BMPR1B: variants seen among roughly 807,000 people sequenced by gnomAD.
The protein encoded by BMPR1B is bone morphogenetic protein receptor type-1B.
Under a neutral mutation model 59.1 loss-of-function variants are expected in BMPR1B, and 12 were observed. The ratio of observed to expected loss-of-function variants is 0.20; its 90% confidence interval spans 0.13 to 0.33. The LOEUF is 0.33. Among genes scored for constraint, BMPR1B ranks in the 10% least tolerant of loss-of-function variants. The probability of loss-of-function intolerance (pLI) is 1.00; values close to 1 mark genes in which losing one functional copy is unlikely to be tolerated. For missense variants in BMPR1B, 550 were observed against 610.9 expected (o/e 0.90, Z 1.05); for synonymous variants, 237 against 207.3 (o/e 1.14, Z -1.23).
chr4:95,051,624 C>T (rs1357760523), intron 3 of BMPR1B: 5 of 1,340,914 alleles, frequency 3.7e-6, no homozygotes, highest in South Asian at 2.6e-5. Flanking sequence ...GCAGCAGAGG[C>T]GTCTCAGTGA....
chr4:95,068,816 T>C (rs949530167), intron 3 of BMPR1B, among the ~76,000 whole-genome samples: 2 of 152,168 alleles, frequency 1.3e-5, no homozygotes, highest in Non-Finnish European at 2.9e-5. Flanking sequence ...ATGCAAGCAG[T>C]TGTCTTAGGC....
intron 3 of BMPR1B, among the ~76,000 whole-genome samples, chr4:95,071,073 A>G (rs1728244381): frequency 6.6e-6 from 1 of 152,138 alleles, no homozygotes; most frequent in Non-Finnish European, 1.5e-5. Context: ...TTTGGTATGT[A>G]TGTATCTGTT....
intron 1 of BMPR1B, among the ~76,000 whole-genome samples, chr4:94,821,228 T>G (rs1724194925): frequency 6.6e-6 from 1 of 152,182 alleles, no homozygotes; most frequent in Non-Finnish European, 1.5e-5. Flanking sequence ...AAAATTGTGG[T>G]GAAAATAAAG....
At chr4:94,962,068 TTTCTTTCC>T (rs983295859) in intron 2 of BMPR1B, among the ~76,000 whole-genome samples, 6 of 126,882 alleles carry the variant, frequency 4.7e-5, no homozygotes, top group African/African-American at 2.2e-4. Flanking sequence ...TTTTCTTTCT[TTTCTTTCC>T]TTCCTTCCTT....
intron 3 of BMPR1B, among the ~76,000 whole-genome samples, chr4:95,099,941 C>G (rs1183357955): frequency 6.6e-6 from 1 of 152,110 alleles, no homozygotes; most frequent in Non-Finnish European, 1.5e-5. Flanking sequence ...TACTTAGTCC[C>G]CTGTGTTCTC....
At chr4:94,783,423 C>T (rs1265401365) in intron 1 of BMPR1B, among the ~76,000 whole-genome samples, 3 of 152,208 alleles carry the variant, frequency 2.0e-5, no homozygotes, top group Non-Finnish European at 4.4e-5. Flanking sequence ...TTTATTGTTT[C>T]TAGAGTACCC....
intron 1 of BMPR1B, among the ~76,000 whole-genome samples, chr4:94,868,156 C>G (rs1726323742): frequency 6.6e-6 from 1 of 151,032 alleles, no homozygotes; most frequent in South Asian, 2.1e-4. Context: ...AGCCACCATA[C>G]CCAGCCTTAC....
chr4:94,778,634 C>T (rs542117177), intron 1 of BMPR1B, among the ~76,000 whole-genome samples: 1 of 152,238 alleles, frequency 6.6e-6, no homozygotes, highest in South Asian at 2.1e-4. Flanking sequence ...ACATTCCCAC[C>T]AGCAGCATGT....
intron 3 of BMPR1B, among the ~76,000 whole-genome samples, chr4:95,088,111 G>T (rs1008638000): frequency 6.6e-6 from 1 of 152,058 alleles, no homozygotes; most frequent in African/African-American, 2.4e-5. Context: ...TCAAAAGTAA[G>T]CTTCACTTGG....
At chr4:94,758,333 GC>G (rs1231255369) in intron 1 of BMPR1B, among the ~76,000 whole-genome samples, 1 of 151,560 alleles carries the variant, frequency 6.6e-6, no homozygotes, top group Non-Finnish European at 1.5e-5. Context: ...TTGTGCGCGG[GC>G]GGCTCTGCCG....
intron 2 of BMPR1B, among the ~76,000 whole-genome samples, chr4:94,909,531 T>C (rs925210005): frequency 1.3e-5 from 2 of 152,030 alleles, no homozygotes; most frequent in Admixed American, 6.6e-5. Context: ...ATTCCAAATA[T>C]GTAAAGTGCA....
At chr4:94,975,511 C>T (rs568357776) in intron 2 of BMPR1B, among the ~76,000 whole-genome samples, 15 of 151,068 alleles carry the variant, frequency 9.9e-5, no homozygotes, top group African/African-American at 2.9e-4. Flanking sequence ...TACAGGCATG[C>T]GCCACCATGC....
intron 10 of BMPR1B, among the ~76,000 whole-genome samples, chr4:95,140,150 G>A (rs1489254679): frequency 6.6e-6 from 1 of 152,112 alleles, no homozygotes; most frequent in African/African-American, 2.4e-5. Flanking sequence ...TGCCTGTTAT[G>A]TAGTCATCAT....
intron 2 of BMPR1B, among the ~76,000 whole-genome samples, chr4:94,989,882 A>G (rs1465061014): frequency 6.6e-6 from 1 of 152,228 alleles, no homozygotes; most frequent in African/African-American, 2.4e-5. Flanking sequence ...TCAAAAGTAA[A>G]TAGCCAAATG....
intron 3 of BMPR1B, among the ~76,000 whole-genome samples, chr4:95,043,668 T>C (rs1322666735): frequency 6.6e-6 from 1 of 152,190 alleles, no homozygotes; most frequent in Non-Finnish European, 1.5e-5. Context: ...GTCTGATGGA[T>C]TTGATTGTGC....
At chr4:95,102,246 A>G (rs1446402258) in intron 3 of BMPR1B, among the ~76,000 whole-genome samples, 1 of 152,216 alleles carries the variant, frequency 6.6e-6, no homozygotes, top group African/African-American at 2.4e-5. Flanking sequence ...AGAAAATAGC[A>G]TCTTACTTCC....
intron 1 of BMPR1B, among the ~76,000 whole-genome samples, chr4:94,826,502 G>T (rs1202724329): frequency 6.6e-6 from 1 of 151,864 alleles, no homozygotes; most frequent in Non-Finnish European, 1.5e-5. Flanking sequence ...AGGAGAATTT[G>T]TTCTTGCAGA....
intron 3 of BMPR1B, among the ~76,000 whole-genome samples, chr4:95,006,164 G>A (rs1307036607): frequency 6.6e-6 from 1 of 151,968 alleles, no homozygotes; most frequent in Non-Finnish European, 1.5e-5. Context: ...CCAGCTACTG[G>A]GGAGGCTGAG....
At chr4:95,079,428 T>C (rs1425279853) in intron 3 of BMPR1B, among the ~76,000 whole-genome samples, 2 of 145,008 alleles carry the variant, frequency 1.4e-5, no homozygotes, top group Non-Finnish European at 3.0e-5. Context: ...TATTCTAATT[T>C]GGATATTCTA....
Sources: gnomAD v4.1 joint callset for allele counts (sites outside exome capture counted in the v4.1 genomes callset) on GRCh38, gnomAD v4.1.1 for gene constraint, MANE v1.5 for transcripts, NCBI Gene and HGNC (gene_info 2026-07-23, HGNC 2026-07-21) for gene names.